PCSK2: variants seen among roughly 807,000 people sequenced by gnomAD.
PCSK2 encodes neuroendocrine convertase 2.
A neutral mutation model predicts 69.7 loss-of-function variants in PCSK2; 14 were observed. The ratio of observed to expected loss-of-function variants is 0.20; its 90% CI spans 0.13 to 0.31. The LOEUF (loss-of-function observed/expected upper bound fraction) is 0.31, where lower values mean the gene tolerates loss of function less well. Ranked by LOEUF, PCSK2 falls within the 10% of genes least tolerant of loss-of-function variation. PCSK2 has a pLI of 1.00. For missense variants in PCSK2, 544 were observed against 842.5 expected (o/e 0.65, Z 4.39); for synonymous variants, 307 against 320.7 (o/e 0.96, Z 0.46).
At chr20:17,234,203 G>A (rs1212164115) in intron 1 of PCSK2, among the ~76,000 whole-genome samples, 2 of 152,166 alleles carry the variant, frequency 1.3e-5, no homozygotes, top group Non-Finnish European at 2.9e-5. Flanking sequence ...AGTTCTGTGA[G>A]AGCACACATA....
intron 1 of PCSK2, among the ~76,000 whole-genome samples, chr20:17,247,543 A>C (rs1986813471): frequency 6.6e-6 from 1 of 152,238 alleles, no homozygotes; most frequent in Non-Finnish European, 1.5e-5. Flanking sequence ...CATGAAAACC[A>C]GCACAGTGGA....
At chr20:17,280,060 T>C (rs1988249175) in intron 2 of PCSK2, among the ~76,000 whole-genome samples, 1 of 152,114 alleles carries the variant, frequency 6.6e-6, no homozygotes, top group African/African-American at 2.4e-5. Flanking sequence ...TATTATCAAT[T>C]TAATGTGTAG....
chr20:17,471,276 C>T, intron 11 of PCSK2, among the ~76,000 whole-genome samples: 1 of 152,190 alleles, frequency 6.6e-6, no homozygotes, highest in African/African-American at 2.4e-5. Context: ...ATCCAAGTCC[C>T]TGTAAGGAAT....
chr20:17,256,512 T>C, intron 1 of PCSK2, among the ~76,000 whole-genome samples: 1 of 152,188 alleles, frequency 6.6e-6, no homozygotes, highest in East Asian at 1.9e-4. Flanking sequence ...TACTGTAATA[T>C]GACAGTTTGG....
At chr20:17,264,418 T>C (rs1350955871) in intron 2 of PCSK2, among the ~76,000 whole-genome samples, 1 of 152,190 alleles carries the variant, frequency 6.6e-6, no homozygotes, top group Non-Finnish European at 1.5e-5. Context: ...GCTTCTCTCA[T>C]CTCAAAGAAT....
At chr20:17,411,832 AGCAATATTTGCTGTTCT>A (rs997291753) in intron 6 of PCSK2, among the ~76,000 whole-genome samples, 3 of 152,246 alleles carry the variant, frequency 2.0e-5, no homozygotes, top group African/African-American at 4.8e-5. Flanking sequence ...AAGATCAGGC[AGCAATATTTGCTGTTCT>A]GCAATATTTG....
At chr20:17,251,208 AG>A (rs1986964907) in intron 1 of PCSK2, among the ~76,000 whole-genome samples, 1 of 152,250 alleles carries the variant, frequency 6.6e-6, no homozygotes, top group African/African-American at 2.4e-5. Flanking sequence ...GTTTTTGGAA[AG>A]CAAAATACAG....
chr20:17,269,028 T>C (rs1444974353), intron 2 of PCSK2, among the ~76,000 whole-genome samples: 7 of 152,216 alleles, frequency 4.6e-5, no homozygotes, highest in Admixed American at 3.3e-4. Flanking sequence ...ATGGCACTTA[T>C]GCATATGGAC....
chr20:17,481,497 C>T, intron 11 of PCSK2, 87 bp from the exon 12 acceptor site: 2 of 1,307,584 alleles, frequency 1.5e-6, no homozygotes, highest in South Asian at 2.7e-5. Flanking sequence ...AGCCCTTGCC[C>T]TTTCCGCCAC....
intron 2 of PCSK2, among the ~76,000 whole-genome samples, chr20:17,292,991 A>G (rs1988748695): frequency 6.6e-6 from 1 of 151,886 alleles, no homozygotes; most frequent in South Asian, 2.1e-4. Flanking sequence ...TGCCTGGCTA[A>G]TTTTTGTATT....
chr20:17,471,504 A>G (rs767436868), intron 11 of PCSK2, among the ~76,000 whole-genome samples: 65 of 152,178 alleles, frequency 4.3e-4, no homozygotes, highest in Non-Finnish European at 8.8e-5. Flanking sequence ...CAGGTGATAA[A>G]TATTTTTTAA....
At chr20:17,433,562 G>T (rs1003657866) in intron 7 of PCSK2, among the ~76,000 whole-genome samples, 19 of 152,158 alleles carry the variant, frequency 1.2e-4, no homozygotes, top group Non-Finnish European at 1.0e-4. Context: ...GCAGCCCCCG[G>T]GGCACCAGGG....
chr20:17,293,612 A>C (rs1988769989), intron 2 of PCSK2, among the ~76,000 whole-genome samples: 1 of 152,218 alleles, frequency 6.6e-6, no homozygotes, highest in African/African-American at 2.4e-5. Flanking sequence ...TAATTTAATA[A>C]AGTGTATTAT....
At chr20:17,288,165 G>A (rs1175911283) in intron 2 of PCSK2, among the ~76,000 whole-genome samples, 3 of 152,154 alleles carry the variant, frequency 2.0e-5, no homozygotes, top group African/African-American at 7.2e-5. Flanking sequence ...TCTGCTCTGA[G>A]GAGATCCCTT....
At chr20:17,369,051 G>A (rs1254103116) in intron 4 of PCSK2, among the ~76,000 whole-genome samples, 189 bp from the exon 5 acceptor site, 1 of 152,166 alleles carries the variant, frequency 6.6e-6, no homozygotes, top group East Asian at 1.9e-4. Context: ...CTCTGGCAGT[G>A]CAGCCCACCT....
At chr20:17,356,886 AC>A (rs2030217613) in intron 2 of PCSK2, among the ~76,000 whole-genome samples, 1 of 152,066 alleles carries the variant, frequency 6.6e-6, no homozygotes, top group African/African-American at 2.4e-5. Context: ...CCACAGAGGC[AC>A]CCCTAAGGCA....
intron 11 of PCSK2, among the ~76,000 whole-genome samples, chr20:17,466,784 C>G (rs1359325211): frequency 1.3e-5 from 2 of 152,122 alleles, no homozygotes; most frequent in Non-Finnish European, 2.9e-5. Context: ...TTCCATCAAC[C>G]CAGGAAGATT....
chr20:17,347,247 A>G (rs4814606), intron 2 of PCSK2, among the ~76,000 whole-genome samples: 139,287 of 152,208 alleles, frequency 0.92, 63,875 homozygotes, highest in South Asian at 0.96. Flanking sequence ...TGCTCAAGGA[A>G]GCAATTAAGC....
intron 1 of PCSK2, among the ~76,000 whole-genome samples, chr20:17,244,305 T>C (rs887643367): frequency 3.3e-5 from 5 of 152,214 alleles, no homozygotes; most frequent in East Asian, 1.9e-4. Flanking sequence ...AATGTGTACA[T>C]TGATGCAAAA....
Sources: gnomAD v4.1 joint callset for allele counts (sites outside exome capture counted in the v4.1 genomes callset) on GRCh38, gnomAD v4.1.1 for gene constraint, MANE v1.5 for transcripts, NCBI Gene and HGNC (gene_info 2026-07-23, HGNC 2026-07-21) for gene names.